Variants in SFT2D1 observed in about 807,000 individuals in gnomAD.
SFT2D1 encodes the protein SFT2 domain containing 1.
A neutral mutation model predicts 28.1 loss-of-function variants in SFT2D1; 24 were observed. The observed-to-expected ratio is 0.85, with a 90% CI of 0.62 to 1.20. The LOEUF is 1.20. SFT2D1 is among the 50% of genes most tolerant of loss of function. SFT2D1 has a pLI of 0.00. For missense variants in SFT2D1, 181 were observed against 190.9 expected (o/e 0.95, Z 0.31); for synonymous variants, 82 against 73.7 (o/e 1.11, Z -0.58).
At chr6:166,322,985 G>A (rs1778385109) in intron 6 of SFT2D1, 99 bp from the exon 7 acceptor site, 2 of 954,708 alleles carry the variant, frequency 2.1e-6, no homozygotes, top group Non-Finnish European at 3.4e-6. Context: ...ACAGCAGCAT[G>A]AGACTGTACA....
chr6:166,325,596 A>G (rs533082738), intron 5 of SFT2D1, among the ~76,000 whole-genome samples: 24 of 152,348 alleles, frequency 1.6e-4, no homozygotes, highest in African/African-American at 5.5e-4. Flanking sequence ...ACTCGGCAGC[A>G]CACTTGCCTC....
chr6:166,320,761 C>A (rs559087582), intron 7 of SFT2D1, among the ~76,000 whole-genome samples: 37 of 152,090 alleles, frequency 2.4e-4, no homozygotes, highest in African/African-American at 3.6e-4. Context: ...AAGCCATCCA[C>A]CCGTCTCAGC....
chr6:166,323,218 C>T (rs984604500), intron 6 of SFT2D1: 1 of 229,342 alleles, frequency 4.4e-6, no homozygotes, highest in Non-Finnish European at 8.3e-6. Flanking sequence ...TTATAGTCTC[C>T]TTTAGGGATA....
intron 1 of SFT2D1, chr6:166,335,316 G>C: frequency 5.2e-6 from 3 of 578,548 alleles, no homozygotes; most frequent in Non-Finnish European, 1.0e-5. Flanking sequence ...GGCTGTAATG[G>C]ATTTGGTAAT....
intron 7 of SFT2D1, 136 bp downstream of exon 7, chr6:166,322,721 T>C (rs558129563): frequency 1.3e-5 from 9 of 697,390 alleles, no homozygotes; most frequent in Non-Finnish European, 7.1e-6. Flanking sequence ...AGTATGTTTA[T>C]TTCCTTTTAG....
intron 1 of SFT2D1, among the ~76,000 whole-genome samples, chr6:166,341,429 G>A (rs1327332195): frequency 2.1e-5 from 3 of 143,434 alleles, no homozygotes; most frequent in South Asian, 2.3e-4. Flanking sequence ...AGGCCTGAGC[G>A]ACAAAGCAAG....
At position 166,328,313 on chromosome 6, in the gene SFT2D1, A is replaced by G. The variant is rs370415111; in HGVS notation, c.278T>C (p.Phe93Ser). Reference protein sequence around the residue: ...MGPVKQLKKMFEATRLLATIV... With the variant: ...MGPVKQLKKMSEATRLLATIV... ...TGTTGCAAGCAATCTTGTTGCTTCA[A>G]ACATTTTCTTCAGTTGCTTCACAGG... is the stretch of plus-strand genomic sequence containing the variant. Residue 93 changes from phenylalanine (F) to serine (S), a missense_variant, in exon 4 of 8, where the codon TTT becomes TCT. Transcript: ENST00000361731. 43 of 1,597,238 alleles carry G rather than the reference A, an allele frequency of 2.7e-5. No individual in the cohort carries two copies. The highest frequency in any genetic ancestry group is 6.8e-6 in the Non-Finnish European group (8 of 1,172,914).
chr6:166,342,340 C>G, intron 1 of SFT2D1, 79 bp downstream of exon 1: 2 of 1,385,740 alleles, frequency 1.4e-6, no homozygotes, highest in African/African-American at 2.9e-5. Context: ...TCGCACCCAC[C>G]CCACCCGCTC....
In SFT2D1 at chr6:166,342,498, C is replaced by T. The variant is rs766404266; in HGVS notation, c.-17G>A. On this transcript the variant is annotated 5_prime_UTR_variant, in exon 1 of 8. Transcript: ENST00000361731. Reference sequence around the variant, plus strand: ...CTTCTCCATGGCCCTGTTACAGGGCCGTAGCGGCCGCCACTCTGTTGCCTG... The same window carrying T: ...CTTCTCCATGGCCCTGTTACAGGGCTGTAGCGGCCGCCACTCTGTTGCCTG... The T allele has an allele frequency of 1.3e-6, 2 of 1,544,300 alleles. No homozygotes were observed. The highest frequency in any genetic ancestry group is 1.2e-5 in the South Asian group (1 of 83,916).
chr6:166,341,845 C>A (rs1055786078), intron 1 of SFT2D1, among the ~76,000 whole-genome samples: 1 of 146,272 alleles, frequency 6.8e-6, no homozygotes, highest in Admixed American at 6.8e-5. Flanking sequence ...AAAAAAAAAT[C>A]TCTTACCAGG....
At position 166,330,279 on chromosome 6, in the gene SFT2D1, G is replaced by A. The variant is rs759122007; in HGVS notation, c.64-32C>T. The A allele has an allele frequency of 8.7e-6, 12 of 1,378,888 alleles. No homozygotes were observed. The African/African-American group carries it at 1.7e-4, about 20-fold the overall frequency. The allele number at this position is 1,378,888 out of a possible 1,614,324, so 85.4% of individuals were successfully genotyped here. On this transcript the variant is annotated intron_variant, in intron 1 of 7. Coordinates refer to ENST00000361731, the MANE Select transcript of SFT2D1 (RefSeq NM_145169.3). ...AAAAAATGGGAAAATTTAGAATATA[G>A]TCTTAATTCACTACCAATCTGATTC...
chr6:166,326,438 C>G (rs1052687229), intron 4 of SFT2D1, among the ~76,000 whole-genome samples: 3 of 152,170 alleles, frequency 2.0e-5, no homozygotes, highest in African/African-American at 7.2e-5. Flanking sequence ...TGAAAGCAAG[C>G]AGGCACAGGA....
At chr6:166,327,277 A>C (rs1778463089) in intron 4 of SFT2D1, among the ~76,000 whole-genome samples, 1 of 152,192 alleles carries the variant, frequency 6.6e-6, no homozygotes, top group Non-Finnish European at 1.5e-5. Context: ...GTTAGGAGGC[A>C]GAGGCAGGAT....
intron 1 of SFT2D1, among the ~76,000 whole-genome samples, chr6:166,337,887 T>G (rs1778688645): frequency 6.6e-6 from 1 of 152,114 alleles, no homozygotes; most frequent in Non-Finnish European, 1.5e-5. Flanking sequence ...CTTCAGGAGA[T>G]GATCAGGTCA....
chr6:166,342,355 G>A (rs1428116218), intron 1 of SFT2D1, 64 bp downstream of exon 1: 27 of 1,468,686 alleles, frequency 1.8e-5, no homozygotes, highest in Non-Finnish European at 2.3e-5. Flanking sequence ...CCGCTCGGCC[G>A]GTCCTCAGTG....
intron 4 of SFT2D1, among the ~76,000 whole-genome samples, chr6:166,327,107 CCAGG>C (rs1173179223): frequency 6.6e-6 from 1 of 152,100 alleles, no homozygotes; most frequent in Non-Finnish European, 1.5e-5. Flanking sequence ...GAGAAGACTG[CCAGG>C]CAGATTAGAG....
chr6:166,323,399 G>A lies in SFT2D1; in HGVS notation c.411-513C>T, dbSNP rs889517400. 6 of 152,388 alleles carry A rather than the reference G, an allele frequency of 3.9e-5. No homozygotes were observed. In the East Asian group the frequency reaches 9.6e-4, roughly 24 times the overall value. 9.4% of individuals were successfully genotyped at this position (152,388 alleles called of 1,614,324 possible). ...TTCACTGATGTTTCATCTGTCAGTA[G>A]AAAGAAGGCCGAAAGAAAGGTGATC... On this transcript the variant is annotated intron_variant, in intron 6 of 7. Coordinates refer to ENST00000361731, the MANE Select transcript of SFT2D1 (RefSeq NM_145169.3).
Position 166,342,425 on chromosome 6 carries a change from A to G in SFT2D1, c.57T>C (p.Thr19=). The G allele has an allele frequency of 6.4e-7, 1 of 1,558,240 alleles. No individual in the cohort carries two copies. Among genetic ancestry groups the G allele is most frequent in the Non-Finnish European group, 8.7e-7 (1 of 1,151,732 alleles). The change falls in exon 1 of 8, where the codon ACT becomes ACC. Residue 19 remains threonine (T), a synonymous_variant. Transcript: ENST00000361731. ...SGQDDEEQGL[T]AQVLDASSLS... is the part of the protein sequence containing the mutation. ...GAGGGCGCAAGTTCGCTACCTGCGC[A>G]GTCAGGCCCTGCTCCTCGTCGTCCT...
chr6:166,328,376 G>A lies in SFT2D1; in HGVS notation c.234-19C>T, dbSNP rs750132367. 1 of 1,430,970 alleles carries A rather than the reference G, an allele frequency of 7.0e-7. No homozygotes were observed. The highest frequency in any genetic ancestry group is 1.4e-5 in the African/African-American group (1 of 69,548). The allele number at this position is 1,430,970 out of a possible 1,614,324, so 88.6% of individuals were successfully genotyped here. ...GCATGTACTATTTGAAACAAATAAA[G>A]TGACTGAGGTACAGGTCTACTAATT... On this transcript the variant is annotated intron_variant, in intron 3 of 7. Transcript: ENST00000361731.
Sources: gnomAD v4.1 joint callset for allele counts (sites outside exome capture counted in the v4.1 genomes callset) on GRCh38, gnomAD v4.1.1 for gene constraint, MANE v1.5 for transcripts, NCBI Gene and HGNC (gene_info 2026-07-23, HGNC 2026-07-21) for gene names.